Variants in CUL5 observed in about 807,000 individuals in gnomAD.
CUL5 encodes the protein cullin-5.
A neutral mutation model predicts 108.8 loss-of-function variants in CUL5; 26 were observed. The ratio of observed to expected loss-of-function variants is 0.24; its 90% CI spans 0.18 to 0.33. The LOEUF (loss-of-function observed/expected upper bound fraction) is 0.33, where lower values mean the gene tolerates loss of function less well. Ranked by LOEUF, CUL5 falls within the 10% of genes least tolerant of loss-of-function variation. The pLI, the probability that CUL5 is intolerant of heterozygous loss-of-function variation, is 1.00. For missense variants in CUL5, 524 were observed against 909.2 expected (o/e 0.58, Z 5.45); for synonymous variants, 334 against 298.0 (o/e 1.12, Z -1.25).
chr11:108,016,773 C>A (rs1014248221), intron 1 of CUL5, among the ~76,000 whole-genome samples: 2 of 151,846 alleles, frequency 1.3e-5, no homozygotes, highest in Admixed American at 1.3e-4. Context: ...CCAGCCTGGG[C>A]AACCCCATTT....
intron 12 of CUL5, among the ~76,000 whole-genome samples, chr11:108,089,040 G>A (rs1483784624): frequency 2.0e-5 from 3 of 151,976 alleles, no homozygotes; most frequent in Non-Finnish European, 4.4e-5. Context: ...AGATTAAGTA[G>A]TTGTTTTCAT....
At chr11:108,070,894 T>C (rs1275422031) in intron 8 of CUL5, among the ~76,000 whole-genome samples, 1 of 152,198 alleles carries the variant, frequency 6.6e-6, no homozygotes, top group African/African-American at 2.4e-5. Context: ...AGTAATTCAG[T>C]AGTAAAAAGC....
rs369875270 is a variant in CUL5, at chr11:108,044,770, T to G, written c.135-1500T>G. Among the ~76,000 whole-genome samples the G allele has an allele frequency of 1.4e-4, 21 of 151,932 alleles. No homozygotes were observed. The South Asian group carries it at 4.4e-3, about 32-fold the overall frequency. On this transcript the variant is annotated intron_variant, in intron 2 of 18. Coordinates refer to ENST00000393094, the MANE Select transcript of CUL5 (RefSeq NM_003478.6). ...TTTTTTATATTTTAATTTATTATTA[T>G]TATTTTTTTGAGACACAGTTTCACT... is the stretch of plus-strand genomic sequence containing the variant.
intron 2 of CUL5, among the ~76,000 whole-genome samples, chr11:108,038,964 AAG>A (rs1427358341): frequency 1.3e-5 from 2 of 151,804 alleles, no homozygotes; most frequent in African/African-American, 4.8e-5. Flanking sequence ...TGGGTGGTAT[AAG>A]AGATTGTTCT....
At chr11:108,098,572 AG>A (rs371459190) in intron 18 of CUL5, 43 bp downstream of exon 18, 126 of 1,072,268 alleles carry the variant, frequency 1.2e-4, no homozygotes, top group South Asian at 3.6e-4. Context: ...AAAAAACTTT[AG>A]TTTTTTTTTT....
At chr11:108,028,601 G>A (rs1862504687) in intron 1 of CUL5, among the ~76,000 whole-genome samples, 1 of 152,098 alleles carries the variant, frequency 6.6e-6, no homozygotes, top group African/African-American at 2.4e-5. Context: ...CACTTTCGGA[G>A]GCCGAAGCGG....
intron 2 of CUL5, among the ~76,000 whole-genome samples, chr11:108,042,597 C>G (rs986465413): frequency 6.6e-6 from 1 of 151,560 alleles, no homozygotes; most frequent in African/African-American, 2.4e-5. Context: ...GCCTGGCAAA[C>G]TCCTATTTTT....
At chr11:108,081,916 CT>C (rs1455828923) in intron 11 of CUL5, among the ~76,000 whole-genome samples, 1 of 152,148 alleles carries the variant, frequency 6.6e-6, no homozygotes, top group African/African-American at 2.4e-5. Flanking sequence ...CAAGTTGGTT[CT>C]TTTTCAAGAT....
At chr11:108,073,128 G>T (rs1373338946) in intron 9 of CUL5, among the ~76,000 whole-genome samples, 1 of 151,784 alleles carries the variant, frequency 6.6e-6, no homozygotes, top group Non-Finnish European at 1.5e-5. Flanking sequence ...CGTGAACCCA[G>T]GAAGTGGAGC....
chr11:108,016,441 A>G (rs970963274), intron 1 of CUL5, among the ~76,000 whole-genome samples: 7 of 151,980 alleles, frequency 4.6e-5, no homozygotes, highest in Non-Finnish European at 1.0e-4. Context: ...ATGTTTAGAG[A>G]CAGGGTTTTG....
chr11:108,014,854 A>G (rs1862140294), intron 1 of CUL5, among the ~76,000 whole-genome samples: 1 of 152,186 alleles, frequency 6.6e-6, no homozygotes, highest in South Asian at 2.1e-4. Flanking sequence ...AATAAAAACA[A>G]CCAGGGTAAA....
intron 7 of CUL5, among the ~76,000 whole-genome samples, chr11:108,067,292 A>C (rs1863710070): frequency 6.6e-6 from 1 of 152,200 alleles, no homozygotes; most frequent in African/African-American, 2.4e-5. Context: ...AATGGATTCA[A>C]CATCCTTTTA....
chr11:108,010,853 C>G (rs1862042140), intron 1 of CUL5, among the ~76,000 whole-genome samples: 1 of 152,118 alleles, frequency 6.6e-6, no homozygotes, highest in Admixed American at 6.5e-5. Context: ...AATCTCAGCT[C>G]TTTGAGAGGC....
intron 11 of CUL5, among the ~76,000 whole-genome samples, chr11:108,082,486 AG>A (rs1247828008): frequency 6.6e-6 from 1 of 152,146 alleles, no homozygotes; most frequent in African/African-American, 2.4e-5. Flanking sequence ...TGTGTTGACC[AG>A]GCTGGTCTTG....
chr11:108,073,679 TTAGA>T (rs1863880110), intron 10 of CUL5, 182 bp downstream of exon 10: 5 of 364,228 alleles, frequency 1.4e-5, no homozygotes, highest in Non-Finnish European at 2.5e-5. Flanking sequence ...TTGTTAAACA[TTAGA>T]TAGCCTTGTG....
intron 1 of CUL5, among the ~76,000 whole-genome samples, chr11:108,016,547 C>T (rs766240732): frequency 5.9e-5 from 9 of 152,180 alleles, no homozygotes; most frequent in Non-Finnish European, 1.0e-4. Context: ...ACCACCCCTA[C>T]TTGAGGTTTC....
intron 10 of CUL5, among the ~76,000 whole-genome samples, chr11:108,074,681 G>T (rs1377686861): frequency 6.6e-6 from 1 of 151,872 alleles, no homozygotes; most frequent in African/African-American, 2.4e-5. Flanking sequence ...TGGTACATGC[G>T]TGTAATTCCA....
chr11:108,049,556 T>A (rs377035348), intron 3 of CUL5, among the ~76,000 whole-genome samples: 134 of 152,088 alleles, frequency 8.8e-4, no homozygotes, highest in African/African-American at 3.0e-3. Flanking sequence ...TTGCCCAGGT[T>A]GGTCTCAAAT....
At chr11:108,019,091 A>C (rs1353817590) in intron 1 of CUL5, among the ~76,000 whole-genome samples, 1 of 151,746 alleles carries the variant, frequency 6.6e-6, no homozygotes, top group African/African-American at 2.4e-5. Flanking sequence ...TAAGTAATTT[A>C]GAGATGGTTT....
Sources: gnomAD v4.1 joint callset for allele counts (sites outside exome capture counted in the v4.1 genomes callset) on GRCh38, gnomAD v4.1.1 for gene constraint, MANE v1.5 for transcripts, NCBI Gene and HGNC (gene_info 2026-07-23, HGNC 2026-07-21) for gene names.